The following ITFG2 variants were observed in gnomAD, a reference collection of about 807,000 sequenced individuals.
ITFG2 encodes the protein integrin alpha FG-GAP repeat containing 2.
ITFG2 carries 36 observed loss-of-function variants against 54.4 expected under a neutral mutation model. The observed-to-expected ratio is 0.66, with a 90% confidence interval of 0.51 to 0.87. The LOEUF is 0.87. ITFG2 is among the 40% of genes least tolerant of loss of function. The pLI is 0.00. For missense variants in ITFG2, 524 were observed against 576.7 expected (o/e 0.91, Z 0.94); for synonymous variants, 211 against 225.4 (o/e 0.94, Z 0.57).
Position 2,842,367 on chromosome 12 carries a change from C to T in ITFG2, n.300+1372C>T, listed in dbSNP as rs186218458. On this transcript the variant is annotated intron_variant and non_coding_transcript_variant, in intron 2 of 3. Transcript: ENST00000537710. ...TGATCTCCTGATCTCGTAATCCACCCGCCTCGGCCTCCCAAAGTGCTGGGA... is the reference window on the plus strand; with the variant it reads ...TGATCTCCTGATCTCGTAATCCACCTGCCTCGGCCTCCCAAAGTGCTGGGA... 1.1e-3 allele frequency among the ~76,000 whole-genome samples: 160 copies of T among 150,736 alleles called. 1 individual carries two copies. Among genetic ancestry groups the T allele is most frequent in the African/African-American group, 3.7e-3 (151 of 41,206 alleles).
intron 2 of ITFG2, chr12:2,849,604 G>T: frequency 6.8e-7 from 1 of 1,465,634 alleles, no homozygotes; most frequent in Non-Finnish European, 9.2e-7. Flanking sequence ...GGAAGGGGAA[G>T]GGTGATGCCG....
upstream of ITFG2, chr12:2,835,190 T>TGTGGA: frequency 1.4e-6 from 1 of 713,266 alleles, no homozygotes; most frequent in African/African-American, 2.9e-5. Flanking sequence ...TGTGTGTGTG[T>TGTGGA]GAGAGAGAGA....
At chr12:2,842,879 C>T (rs150148721) in intron 2 of ITFG2, among the ~76,000 whole-genome samples, 1 of 152,238 alleles carries the variant, frequency 6.6e-6, no homozygotes, top group African/African-American at 2.4e-5. Flanking sequence ...AATCTAAGTC[C>T]TGGTGGCTAT....
At chr12:2,858,869 G>T (rs764047099) in intron 3 of ITFG2, 3 of 1,614,168 alleles carry the variant, frequency 1.9e-6, no homozygotes, top group South Asian at 1.1e-5. Context: ...TGCCAAAGGG[G>T]ACGGAGATGA....
At position 2,817,951 on chromosome 12, in the gene ITFG2, G is replaced by A; in HGVS notation, c.234+1G>A. On this transcript the variant is annotated splice_donor_variant, in intron 3 of 11. Transcript: ENST00000228799. LOFTEE classifies it high-confidence loss of function. Reference sequence around the variant, plus strand: ...TGGAGACGTGTGTAATAAAGGAAAGGTAAGAACTATAGGGGACCTTCCTTG... The same window carrying A: ...TGGAGACGTGTGTAATAAAGGAAAGATAAGAACTATAGGGGACCTTCCTTG... 1 of 1,613,752 alleles carries A rather than the reference G, an allele frequency of 6.2e-7. No individual in the cohort carries two copies. Among genetic ancestry groups the A allele is most frequent in the South Asian group, 1.1e-5 (1 of 91,020 alleles).
Position 2,858,912 on chromosome 12 carries a change from G to A in ITFG2, n.620+581G>A, listed in dbSNP as rs28919870. 8.9e-3 allele frequency: 14,401 copies of A among 1,613,858 alleles called. 86 individuals are homozygous for A. Among genetic ancestry groups the A allele is most frequent in the Non-Finnish European group, 0.011 (12,739 of 1,179,984 alleles). ...GGGTTCTGAACTGAGGAGCCTTTGC[G>A]GTGATTCAAGGGGGGGAGCACTTTG... On this transcript the variant is annotated intron_variant and non_coding_transcript_variant, in intron 3 of 3. Transcript: ENST00000537710.
chr12:2,857,129 A>G (rs1283170509), intron 2 of ITFG2: 1 of 700,906 alleles, frequency 1.4e-6, no homozygotes, highest in East Asian at 2.7e-5. Flanking sequence ...TTGAGTGGTG[A>G]TGCAGAGAAG....
chr12:2,858,622 G>A, intron 3 of ITFG2: 2 of 1,606,446 alleles, frequency 1.2e-6, no homozygotes, highest in Non-Finnish European at 1.7e-6. Context: ...TTGAGCACAG[G>A]GGCAAGGGCA....
intron 3 of ITFG2, chr12:2,859,031 C>T (rs2098101059): frequency 1.9e-6 from 3 of 1,610,530 alleles, no homozygotes; most frequent in Non-Finnish European, 2.5e-6. Flanking sequence ...AATCCAGTCC[C>T]CCTACTTTGG....
rs200650920 is a variant in ITFG2 at position 2,817,959 on chromosome 12, T to A, written c.234+9T>A. ...TGTGTAATAAAGGAAAGGTAAGAAC[T>A]ATAGGGGACCTTCCTTGGTTCTTAG... On this transcript the variant is annotated intron_variant, in intron 3 of 11. Transcript: ENST00000228799. 1 of 1,613,426 alleles carries A rather than the reference T, an allele frequency of 6.2e-7. No individual in the cohort carries two copies. Among genetic ancestry groups the A allele is most frequent in the Non-Finnish European group, 8.5e-7 (1 of 1,179,688 alleles).
upstream of ITFG2, chr12:2,834,686 G>A (rs2098019503): frequency 1.2e-6 from 2 of 1,613,000 alleles, no homozygotes; most frequent in Non-Finnish European, 1.7e-6. Context: ...TCCAGCGGGA[G>A]CAGGTCGGCC....
chr12:2,821,630 A>T, intron 8 of ITFG2, 34 bp downstream of exon 8: 4 of 1,613,918 alleles, frequency 2.5e-6, no homozygotes, highest in Non-Finnish European at 3.4e-6. Flanking sequence ...TGGGGGCTGT[A>T]TGCCTGTAGG....
upstream of ITFG2, among the ~76,000 whole-genome samples, chr12:2,833,635 C>T (rs764521120): frequency 1.3e-5 from 2 of 152,196 alleles, no homozygotes; most frequent in Admixed American, 6.5e-5. Flanking sequence ...GACAGGGAAC[C>T]GAGTGCTCCC....
intron 2 of ITFG2, among the ~76,000 whole-genome samples, chr12:2,851,638 C>T (rs1202835169): frequency 4.0e-5 from 6 of 151,852 alleles, no homozygotes; most frequent in African/African-American, 7.3e-5. Context: ...CCACCACGCC[C>T]GGCCGCTAAA....
At chr12:2,830,715 T>C in intron 2 of ITFG2, 1 of 1,611,254 alleles carries the variant, frequency 6.2e-7, no homozygotes, top group Non-Finnish European at 8.5e-7. Flanking sequence ...CACCTTGCAG[T>C]TGACCAGAAG....
At chr12:2,853,163 AG>A (rs1240333427) in intron 2 of ITFG2, among the ~76,000 whole-genome samples, 1 of 152,184 alleles carries the variant, frequency 6.6e-6, no homozygotes, top group African/African-American at 2.4e-5. Context: ...CCCCTTTGCC[AG>A]GGTCAGCACC....
rs776318594 is a variant in ITFG2 at position 2,820,178 on chromosome 12, C to G, written c.499C>G (p.Leu167Val). 5 of 1,613,544 alleles carry G rather than the reference C, an allele frequency of 3.1e-6. No individual in the cohort carries two copies. The East Asian group carries it at 8.9e-5, about 29-fold the overall frequency. Reference protein sequence around the residue: ...WEELGEGPEHLTGQLVSLKKW... With the variant: ...WEELGEGPEHVTGQLVSLKKW... ...GGAGCTAGGTGAGGGTCCTGAACATCTGACAGGGCAGCTGGTGTCCCTCAA... is the reference window on the plus strand; with the variant it reads ...GGAGCTAGGTGAGGGTCCTGAACATGTGACAGGGCAGCTGGTGTCCCTCAA... Residue 167 changes from leucine (L) to valine (V), a missense_variant, in exon 5 of 12, where the codon CTG (leucine) becomes GTG (valine). Coordinates refer to ENST00000228799, the MANE Select transcript of ITFG2 (RefSeq NM_018463.4).
chr12:2,821,519 A>G (rs749848714), intron 7 of ITFG2, 24 bp from the exon 8 acceptor site: 6 of 1,613,532 alleles, frequency 3.7e-6, no homozygotes, highest in East Asian at 2.2e-5. Context: ...TGCCCTTTAC[A>G]TATTCTTCCT....
intron 2 of ITFG2, among the ~76,000 whole-genome samples, chr12:2,851,239 G>C (rs570381490): frequency 5.0e-4 from 76 of 152,238 alleles, no homozygotes; most frequent in Non-Finnish European, 8.5e-4. Context: ...AAGTTGCTCT[G>C]GGTGAGTGAG....
Sources: gnomAD v4.1 joint callset for allele counts (sites outside exome capture counted in the v4.1 genomes callset) on GRCh38, gnomAD v4.1.1 for gene constraint, MANE v1.5 for transcripts, NCBI Gene and HGNC (gene_info 2026-07-23, HGNC 2026-07-21) for gene names.